Variants in CYP4F2 observed in about 807,000 individuals in gnomAD.
The protein encoded by CYP4F2 is cytochrome P450 4F2.
In CYP4F2, 58 loss-of-function variants were observed where a neutral mutation model predicts 58.9. The observed-to-expected ratio is 0.98, with a 90% CI of 0.80 to 1.23. The LOEUF (loss-of-function observed/expected upper bound fraction) is 1.23. Ranked by LOEUF, CYP4F2 falls within the 50% of genes most tolerant of loss-of-function variation. The pLI is 0.00. For missense variants in CYP4F2, 616 were observed against 685.6 expected, an observed-to-expected ratio of 0.90 and a Z score of 1.13; for synonymous variants, 287 against 261.1, an observed-to-expected ratio of 1.10 and a Z score of -0.95.
intron 6 of CYP4F2, 88 bp from the exon 7 acceptor site, chr19:15,889,781 C>CTA: frequency 1.3e-5 from 20 of 1,558,582 alleles, no homozygotes; most frequent in Non-Finnish European, 1.7e-5. Context: ...GATCTACCTC[C>CTA]TATCAGTAAA....
intron 3 of CYP4F2, 38 bp from the exon 4 acceptor site, chr19:15,892,620 G>A (rs1379222216): frequency 3.7e-6 from 6 of 1,601,664 alleles, no homozygotes; most frequent in Non-Finnish European, 5.1e-6. Context: ...CATGGAGGCA[G>A]GTGAAAGAGG....
At position 15,879,346 on chromosome 19, in the gene CYP4F2, C is replaced by T. The variant is rs1300413311; in HGVS notation, c.1397G>A (p.Arg466Lys). ...CACCTCAGACACAGGCCGCCCTTAC[C>T]TGGGCCCTGCCGAGAAGGGAATAAA... ...LAFIPFSAGPRNCIGQTFAMA... is the reference protein window; with the variant it reads ...LAFIPFSAGPKNCIGQTFAMA... Residue 466 changes from arginine to lysine, a missense_variant and splice_region_variant, in exon 12 of 13, where the codon AGG becomes AAG. Arg to Lys is a conservative substitution (Grantham distance 26). Coordinates refer to ENST00000221700, the MANE Select transcript of CYP4F2 (RefSeq NM_001082.5). The T allele has an allele frequency of 6.2e-7, 1 of 1,614,164 alleles. No homozygotes were observed.
intron 2 of CYP4F2, 130 bp from the exon 3 acceptor site, chr19:15,895,780 T>A (rs891042410): frequency 8.4e-7 from 1 of 1,185,624 alleles, no homozygotes; most frequent in Non-Finnish European, 1.1e-6. Context: ...TCATCCTATC[T>A]ATCTAATTTT....
intron 6 of CYP4F2, 100 bp downstream of exon 6, chr19:15,890,212 T>A: frequency 6.3e-7 from 1 of 1,588,498 alleles, no homozygotes; most frequent in South Asian, 1.1e-5. Context: ...ACAAAACTCC[T>A]CCAGGAAGGT....
chr19:15,891,533 C>A (rs775870630), intron 5 of CYP4F2, among the ~76,000 whole-genome samples: 1 of 152,170 alleles, frequency 6.6e-6, no homozygotes, highest in Non-Finnish European at 1.5e-5. Context: ...TATCCACACC[C>A]TTTGCAATGT....
rs2089376580 is a variant in CYP4F2, at chr19:15,886,015, A to G, written c.1024T>C (p.Tyr342His). The G allele has an allele frequency of 1.9e-6, 3 of 1,614,080 alleles. No individual in the cohort carries two copies. Among genetic ancestry groups the G allele is most frequent in the Non-Finnish European group, 2.5e-6 (3 of 1,180,004 alleles). Residue 342 changes from tyrosine to histidine, a missense_variant, in exon 9 of 13, where the codon TAC becomes CAC. By Grantham distance (83) the Tyr-to-His change is moderately conservative. Transcript: ENST00000221700. ...TATTCTGGGTGCTTTGCAAGGTGGT[A>G]CAGGACCCAGGAGAGACCACTGGCC... The part of the protein sequence containing the change: ...TTASGLSWVL[Y>H]HLAKHPEYQE...
intron 9 of CYP4F2, among the ~76,000 whole-genome samples, chr19:15,880,339 T>A (rs1188470062): frequency 6.6e-6 from 1 of 150,754 alleles, no homozygotes; most frequent in Admixed American, 6.6e-5. Flanking sequence ...AAAAAAAAAA[T>A]CAATTTTGGC....
intron 5 of CYP4F2, among the ~76,000 whole-genome samples, chr19:15,891,698 C>A (rs958508720): frequency 6.6e-6 from 1 of 152,136 alleles, no homozygotes; most frequent in African/African-American, 2.4e-5. Flanking sequence ...CTCCTTGGAA[C>A]CCTGCCTGCA....
Position 15,879,518 on chromosome 19 carries a change from G to A in CYP4F2, c.1314+86C>T, listed in dbSNP as rs2089329560. The A allele has an allele frequency of 3.1e-6, 5 of 1,606,800 alleles. No homozygotes were observed. The South Asian group carries it at 4.4e-5, about 14-fold the overall frequency. On this transcript the variant is annotated intron_variant, in intron 11 of 12. Transcript: ENST00000221700. ...GACAGTTGTGTGTGTCTTTGAGGGA[G>A]GTGATGTTGGATACTCCTGATCAAA...
chr19:15,894,227 C>T (rs2089435186), intron 3 of CYP4F2, among the ~76,000 whole-genome samples: 3 of 152,190 alleles, frequency 2.0e-5, no homozygotes, highest in African/African-American at 4.8e-5. Context: ...GGTCTGTCTG[C>T]ACCCATGGCC....
chr19:15,884,013 C>T (rs955094416), intron 9 of CYP4F2, among the ~76,000 whole-genome samples: 3 of 151,880 alleles, frequency 2.0e-5, no homozygotes, highest in Non-Finnish European at 2.9e-5. Context: ...GAGCCAAGAT[C>T]GTGCCACCGC....
intron 9 of CYP4F2, among the ~76,000 whole-genome samples, 175 bp downstream of exon 9, chr19:15,885,749 T>C (rs1202934855): frequency 1.3e-5 from 2 of 152,132 alleles, no homozygotes; most frequent in Non-Finnish European, 2.9e-5. Context: ...TAAGGGCCTA[T>C]AACCTTTCCC....
rs1472424925 is a variant in CYP4F2, at chr19:15,878,953, G to A, written c.1398-17C>T. On this transcript the variant is annotated splice_polypyrimidine_tract_variant and intron_variant, in intron 12 of 12. Coordinates refer to ENST00000221700, the MANE Select transcript of CYP4F2 (RefSeq NM_001082.5). ...ATGCAGTTCCTAGGGGAGGGAGGTG[G>A]GAACTCTGACTGCACCCAGGAGCCC... 1 of 1,610,930 alleles carries A rather than the reference G, an allele frequency of 6.2e-7. No individual in the cohort carries two copies. The highest frequency in any genetic ancestry group is 8.5e-7 in the Non-Finnish European group (1 of 1,178,390).
At chr19:15,888,718 C>T (rs570772158) in intron 7 of CYP4F2, among the ~76,000 whole-genome samples, 1 of 152,162 alleles carries the variant, frequency 6.6e-6, no homozygotes, top group South Asian at 2.1e-4. Flanking sequence ...TAGACATAAA[C>T]ATAGACATAG....
At chr19:15,879,558 T>G (rs2089329884) in intron 11 of CYP4F2, 46 bp downstream of exon 11, 3 of 1,612,282 alleles carry the variant, frequency 1.9e-6, no homozygotes, top group Non-Finnish European at 2.5e-6. Flanking sequence ...TGCCCCCTCC[T>G]CTAGGAGCCT....
chr19:15,879,872 G>A lies in CYP4F2; in HGVS notation c.1141C>T (p.Leu381=). 19 of 1,614,192 alleles carry A rather than the reference G, an allele frequency of 1.2e-5. No homozygotes were observed. Among genetic ancestry groups the A allele is most frequent in the Non-Finnish European group, 1.5e-5 (18 of 1,180,044 alleles). ...AGGCTCTCCTTCATGCACATGGTCA[G>A]GAAGGGCAAATGGGCCAGGTCGTCC... The part of the protein sequence containing the change: ...EWDDLAHLPF[L]TMCMKESLRL... Residue 381 remains leucine (L), a synonymous_variant, in exon 10 of 13, where the codon CTG becomes TTG. Transcript: ENST00000221700.
At chr19:15,882,207 T>C (rs1393522940) in intron 9 of CYP4F2, among the ~76,000 whole-genome samples, 1 of 151,164 alleles carries the variant, frequency 6.6e-6, no homozygotes, top group African/African-American at 2.4e-5. Flanking sequence ...ATCGTGCCAC[T>C]GCACTCCAGC....
Position 15,886,262 on chromosome 19 carries a change from G to C in CYP4F2, c.965C>G (p.Ala322Gly). 6.2e-7 allele frequency: 1 copy of C among 1,614,068 alleles called. No homozygotes were observed. Among genetic ancestry groups the C allele is most frequent in the Non-Finnish European group, 8.5e-7 (1 of 1,180,004 alleles). Residue 322 changes from alanine to glycine, a missense_variant, in exon 8 of 13, where the codon GCT becomes GGT. Coordinates refer to ENST00000221700, the MANE Select transcript of CYP4F2 (RefSeq NM_001082.5). ...KLSDEDIRAE[A>G]DTFMFEGHDT... ...CTCACCCTCAAACATAAAGGTGTCA[G>C]CTTCTGCTCTTATGTCCTCATCAGA...
chr19:15,894,432 C>G (rs3093123), intron 3 of CYP4F2, among the ~76,000 whole-genome samples: 1,720 of 152,210 alleles, frequency 0.011, 40 homozygotes, highest in African/African-American at 0.04. Context: ...AAGAACTGAG[C>G]TTCTGGGACT....
Sources: allele counts gnomAD v4.1 joint callset (sites outside exome capture counted in the v4.1 genomes callset), GRCh38; gene constraint gnomAD v4.1.1; transcripts MANE v1.5; gene names NCBI Gene and HGNC (gene_info 2026-07-23, HGNC 2026-07-21).